DSE: variants seen among roughly 807,000 people sequenced by gnomAD.
The protein encoded by DSE is dermatan-sulfate epimerase.
A neutral mutation model predicts 84.4 loss-of-function variants in DSE; 36 were observed. The observed-to-expected ratio is 0.43, with a 90% CI of 0.33 to 0.56. The LOEUF (loss-of-function observed/expected upper bound fraction) is 0.56. Ranked by LOEUF, DSE falls within the 20% of genes least tolerant of loss-of-function variation. The pLI is 0.06. For synonymous variants in DSE, 410 were observed against 430.1 expected (o/e 0.95, Z 0.58); for missense variants, 862 against 1,169.6 (o/e 0.74, Z 3.84).
chr6:116,363,629 C>G (rs1562255015), intron 2 of DSE, among the ~76,000 whole-genome samples: 1 of 152,100 alleles, frequency 6.6e-6, no homozygotes, highest in Non-Finnish European at 1.5e-5. Flanking sequence ...GATTTCACCT[C>G]AAGGACAGGC....
chr6:116,259,168 C>T, intron 2 of DSE: 1 of 847,314 alleles, frequency 1.2e-6, no homozygotes, highest in South Asian at 1.5e-5. Context: ...CATGCGCCAC[C>T]CTGGCACAGA....
chr6:116,371,253 G>A, intron 1 of DSE, 132 bp downstream of exon 1: 1 of 970,888 alleles, frequency 1.0e-6, no homozygotes, highest in Non-Finnish European at 1.2e-6. Flanking sequence ...GGCTGAGAGC[G>A]GAGCGCCGCG....
At chr6:116,290,112 A>G (rs942530948) in intron 2 of DSE, among the ~76,000 whole-genome samples, 19 of 152,120 alleles carry the variant, frequency 1.2e-4, no homozygotes, top group Admixed American at 1.1e-3. Flanking sequence ...TACATGACTA[A>G]TAAGTAATGG....
chr6:116,410,593 G>T (rs962574857), intron 2 of DSE, among the ~76,000 whole-genome samples: 1 of 151,940 alleles, frequency 6.6e-6, no homozygotes, highest in Admixed American at 6.5e-5. Context: ...AATTAGCTGG[G>T]TGTGGTGACA....
chr6:116,299,504 T>TATATATATA lies in DSE; in HGVS notation c.-54+40537_-54+40538insATATATATA, dbSNP rs1562213203. On this transcript the variant is annotated intron_variant, in intron 2 of 3. Coordinates refer to the DSE transcript ENST00000430252. ...TCCTGAAAGGCTTCTTGAATTATTTTTATATATATATATATATATATATAT... is the reference window on the plus strand; with the variant it reads ...TCCTGAAAGGCTTCTTGAATTATTTTATATATATATATATATATATATATATATATATAT... 1.3e-3 allele frequency among the ~76,000 whole-genome samples: 15 copies of TATATATATA among 11,496 alleles called. 1 individual carries two copies. The highest frequency in any genetic ancestry group is 3.5e-3 in the South Asian group (1 of 288). The allele number at this position is 11,496 out of a possible 152,430, so 7.5% of individuals were successfully genotyped here.
At chr6:116,335,479 T>C (rs1053137493) in intron 2 of DSE, among the ~76,000 whole-genome samples, 2 of 152,184 alleles carry the variant, frequency 1.3e-5, no homozygotes, top group Non-Finnish European at 2.9e-5. Context: ...CCCCATGACA[T>C]GTTTACCTAT....
chr6:116,444,409 G>C lies in DSE; in HGVS notation c.*7064G>C, dbSNP rs1784517717. ...ACACAGTGCCTGGCATTCAAAAAATGCATTCAGAAAAATTTGGTATTCAAA... is the reference window on the plus strand; with the variant it reads ...ACACAGTGCCTGGCATTCAAAAAATCCATTCAGAAAAATTTGGTATTCAAA... On this transcript the variant is annotated 3_prime_UTR_variant, in exon 6 of 6. Coordinates refer to ENST00000644252, the MANE Select transcript of DSE (RefSeq NM_013352.4). The C allele has an allele frequency of 6.6e-6, 1 of 151,928 alleles. No individual in the cohort carries two copies. Among genetic ancestry groups the C allele is most frequent in the African/African-American group, 2.4e-5 (1 of 41,262 alleles). 9.4% of individuals were successfully genotyped at this position (151,928 alleles called of 1,614,324 possible).
At chr6:116,258,695 C>G (rs753475953) in exon 2 of DSE, 2 of 1,604,380 alleles carry the variant, frequency 1.2e-6, no homozygotes, top group Non-Finnish European at 1.7e-6. Flanking sequence ...AGTGGGGACA[C>G]GTCCACAGCC....
intron 2 of DSE, among the ~76,000 whole-genome samples, chr6:116,261,322 G>A (rs1772404514): frequency 6.6e-6 from 1 of 152,016 alleles, no homozygotes; most frequent in Non-Finnish European, 1.5e-5. Flanking sequence ...CTGCCTCCCA[G>A]GTTCACGCCA....
At chr6:116,410,556 A>T (rs1337262885) in intron 2 of DSE, among the ~76,000 whole-genome samples, 1 of 151,954 alleles carries the variant, frequency 6.6e-6, no homozygotes, top group Non-Finnish European at 1.5e-5. Context: ...ACACGGTGAA[A>T]CCCTGTCTCT....
Position 116,435,924 on chromosome 6 carries a change from T to C in DSE, c.1456T>C (p.Phe486Leu), listed in dbSNP as rs1784122779. 1 of 1,613,996 alleles carries C rather than the reference T, an allele frequency of 6.2e-7. No individual in the cohort carries two copies. The highest frequency in any genetic ancestry group is 8.5e-7 in the Non-Finnish European group (1 of 1,180,020). ...KYTFFNNVLM[F>L]SPAVSKSCFS... is the part of the protein sequence containing the mutation. ...CACCTTCTTCAACAATGTTTTGATG[T>C]TTTCCCCAGCTGTGTCAAAGAGCTG... is the stretch of plus-strand genomic sequence containing the variant. The change falls in exon 6 of 6, where the codon TTT (phenylalanine) becomes CTT (leucine). Residue 486 changes from phenylalanine (F) to leucine (L), a missense_variant. Physicochemically the swap from Phe to Leu is conservative, Grantham distance 22. Transcript: ENST00000644252.
intron 2 of DSE, among the ~76,000 whole-genome samples, chr6:116,308,466 A>G (rs1188850738): frequency 6.6e-6 from 1 of 152,196 alleles, no homozygotes; most frequent in East Asian, 1.9e-4. Flanking sequence ...CATAAGGAAT[A>G]TTGAACAGGA....
At chr6:116,367,395 T>C (rs1481810007), upstream of DSE, among the ~76,000 whole-genome samples, 1 of 152,206 alleles carries the variant, frequency 6.6e-6, no homozygotes, top group African/African-American at 2.4e-5. Context: ...TGTATAGTCA[T>C]GGACCAGACT....
At chr6:116,367,685 T>C (rs1779244414), upstream of DSE, among the ~76,000 whole-genome samples, 1 of 152,094 alleles carries the variant, frequency 6.6e-6, no homozygotes, top group Non-Finnish European at 1.5e-5. Context: ...AAATAAACCA[T>C]TAAATGTAAG....
At chr6:116,365,322 C>G (rs932126869) in intron 2 of DSE, among the ~76,000 whole-genome samples, 1 of 152,088 alleles carries the variant, frequency 6.6e-6, no homozygotes, top group Non-Finnish European at 1.5e-5. Context: ...GTGGTGCAAT[C>G]GGCTCACTGC....
intron 2 of DSE, among the ~76,000 whole-genome samples, chr6:116,320,539 G>A (rs1776242209): frequency 1.3e-5 from 2 of 152,128 alleles, no homozygotes; most frequent in East Asian, 1.9e-4. Context: ...GGAAGGAGGT[G>A]TATTAGTTTG....
intron 1 of DSE, among the ~76,000 whole-genome samples, chr6:116,376,067 T>C (rs999397076): frequency 6.6e-6 from 1 of 152,234 alleles, no homozygotes; most frequent in African/African-American, 2.4e-5. Context: ...TCCTGTTGTC[T>C]ACTTTATTAT....
At chr6:116,275,918 T>C (rs1212419454) in intron 2 of DSE, among the ~76,000 whole-genome samples, 1 of 151,530 alleles carries the variant, frequency 6.6e-6, no homozygotes, top group African/African-American at 2.4e-5. Flanking sequence ...AACATGAAAA[T>C]ATAATCTCTG....
intron 1 of DSE, among the ~76,000 whole-genome samples, chr6:116,379,814 T>C (rs75430188): frequency 6.4e-4 from 98 of 152,322 alleles, no homozygotes; most frequent in African/African-American, 2.2e-3. Context: ...AAGTTGAATT[T>C]CATCTCAACT....
Sources: gnomAD v4.1 joint callset for allele counts (sites outside exome capture counted in the v4.1 genomes callset) on GRCh38, gnomAD v4.1.1 for gene constraint, MANE v1.5 for transcripts, NCBI Gene and HGNC (gene_info 2026-07-23, HGNC 2026-07-21) for gene names.